NDUFS4: variants seen among roughly 807,000 people sequenced by gnomAD.
NDUFS4 encodes the protein NADH:ubiquinone oxidoreductase subunit S4.
Under a neutral mutation model 24.3 loss-of-function variants are expected in NDUFS4, and 28 were observed. That is an observed-to-expected ratio of 1.15 (90% CI 0.85 to 1.58). The LOEUF (loss-of-function observed/expected upper bound fraction) is 1.58. Ranked by LOEUF, NDUFS4 falls within the 40% of genes most tolerant of loss-of-function variation. The pLI is 0.00. For synonymous variants in NDUFS4, 93 were observed against 69.7 expected (o/e 1.34, Z -1.67); for missense variants, 223 against 207.9 (o/e 1.07, Z -0.45).
chr5:53,623,913 T>C (rs1285806660), intron 2 of NDUFS4, among the ~76,000 whole-genome samples: 1 of 152,178 alleles, frequency 6.6e-6, no homozygotes, highest in Non-Finnish European at 1.5e-5. Context: ...GAGATGGGGT[T>C]TCACCATATT....
At chr5:53,577,775 G>A (rs1478603489) in intron 1 of NDUFS4, among the ~76,000 whole-genome samples, 1 of 152,152 alleles carries the variant, frequency 6.6e-6, no homozygotes, top group Non-Finnish European at 1.5e-5. Flanking sequence ...GGAAGAGATA[G>A]TTTCTTCTAT....
intron 1 of NDUFS4, among the ~76,000 whole-genome samples, chr5:53,567,601 G>GA (rs1198291130): frequency 3.9e-5 from 6 of 152,014 alleles, no homozygotes; most frequent in African/African-American, 1.4e-4. Context: ...CAGTGATTAG[G>GA]AAAAACGGTT....
At chr5:53,586,752 T>C (rs1202001379) in intron 1 of NDUFS4, among the ~76,000 whole-genome samples, 2 of 152,090 alleles carry the variant, frequency 1.3e-5, no homozygotes, top group African/African-American at 2.4e-5. Context: ...CTTGATCTCC[T>C]GACCTTGTGA....
intron 2 of NDUFS4, among the ~76,000 whole-genome samples, chr5:53,607,840 C>G (rs973862495): frequency 2.0e-5 from 3 of 152,134 alleles, no homozygotes; most frequent in Non-Finnish European, 4.4e-5. Context: ...CAGCTGTCCT[C>G]CATTAAGCTA....
chr5:53,591,454 T>G (rs1192447656), intron 1 of NDUFS4, among the ~76,000 whole-genome samples: 1 of 44,788 alleles, frequency 2.2e-5, no homozygotes, highest in African/African-American at 6.1e-5. Flanking sequence ...TTTTTGTTTG[T>G]TTTTTTTGGG....
chr5:53,643,489 A>G (rs184838115), intron 2 of NDUFS4, among the ~76,000 whole-genome samples: 165 of 152,292 alleles, frequency 1.1e-3, no homozygotes, highest in African/African-American at 3.8e-3. Flanking sequence ...CGTTGAAGAC[A>G]CAAGTAGAGT....
chr5:53,610,549 CA>C lies in NDUFS4; in HGVS notation c.177+7028del, dbSNP rs369813902. On this transcript the variant is annotated intron_variant, in intron 2 of 4. Transcript: ENST00000296684. ...TTGAAAAAACAAAAACATAAAAAAA[CA>C]AAAAAAAAGAAGCACCATTAATCTG... is the stretch of plus-strand genomic sequence containing the variant. 2.8e-3 allele frequency among the ~76,000 whole-genome samples: 416 copies of C among 149,362 alleles called. 4 individuals carry two copies. The highest frequency in any genetic ancestry group is 4.6e-3 in the Non-Finnish European group (309 of 67,196).
At position 53,599,311 on chromosome 5, in the gene NDUFS4, G is replaced by T. The variant is rs533371131; in HGVS notation, c.99-4141G>T. On this transcript the variant is annotated intron_variant, in intron 1 of 4. Coordinates refer to ENST00000296684, the MANE Select transcript of NDUFS4 (RefSeq NM_002495.4). ...CAGTAATGGAATTGTTGGATCATAG[G>T]ATAATTCTGTTTACTTTTTGAGAAA... Among the ~76,000 whole-genome samples, 7 of 152,162 alleles carry T rather than the reference G, an allele frequency of 4.6e-5. No individual in the cohort carries two copies. The East Asian group carries it at 1.4e-3, about 29-fold the overall frequency.
chr5:53,609,342 C>T (rs1750627376), intron 2 of NDUFS4, among the ~76,000 whole-genome samples: 1 of 152,180 alleles, frequency 6.6e-6, no homozygotes, highest in Non-Finnish European at 1.5e-5. Flanking sequence ...TGTACATCTC[C>T]ATCTTGGGTG....
At chr5:53,658,755 G>T in intron 4 of NDUFS4, 131 bp downstream of exon 4, 16 of 334,984 alleles carry the variant, frequency 4.8e-5, no homozygotes, top group East Asian at 2.3e-4. Flanking sequence ...AGTGGTTTCA[G>T]ACTTTAACTA....
intron 1 of NDUFS4, among the ~76,000 whole-genome samples, chr5:53,601,805 G>A (rs531337090): frequency 2.0e-5 from 3 of 152,268 alleles, no homozygotes; most frequent in East Asian, 1.9e-4. Context: ...GGATACCTGC[G>A]TTAGTCAGAA....
chr5:53,590,809 A>G (rs1023326383), intron 1 of NDUFS4, among the ~76,000 whole-genome samples: 3 of 152,162 alleles, frequency 2.0e-5, no homozygotes, highest in African/African-American at 7.2e-5. Context: ...CATTTTAACT[A>G]TTTTTAAGTA....
chr5:53,609,341 C>A (rs1279750734), intron 2 of NDUFS4, among the ~76,000 whole-genome samples: 1 of 152,170 alleles, frequency 6.6e-6, no homozygotes, highest in Non-Finnish European at 1.5e-5. Context: ...TTGTACATCT[C>A]CATCTTGGGT....
chr5:53,653,995 A>G (rs1579922241), intron 3 of NDUFS4, among the ~76,000 whole-genome samples: 1 of 152,154 alleles, frequency 6.6e-6, no homozygotes, highest in Admixed American at 6.6e-5. Context: ...TAATCTAACA[A>G]TAGTGGCAGT....
At chr5:53,619,110 T>C (rs1750945603) in intron 2 of NDUFS4, among the ~76,000 whole-genome samples, 1 of 148,952 alleles carries the variant, frequency 6.7e-6, no homozygotes, top group Non-Finnish European at 1.5e-5. Flanking sequence ...TGAGACTGTC[T>C]CCAAAATAAT....
chr5:53,682,192 T>A (rs1174996085), intron 4 of NDUFS4, among the ~76,000 whole-genome samples: 3 of 152,106 alleles, frequency 2.0e-5, no homozygotes, highest in Non-Finnish European at 4.4e-5. Context: ...CTTAATTATA[T>A]TTTTAAGGAG....
intron 1 of NDUFS4, among the ~76,000 whole-genome samples, chr5:53,562,817 C>G (rs4147734): frequency 0.2 from 30,954 of 152,030 alleles, 3,669 homozygotes; most frequent in East Asian, 0.46. Flanking sequence ...AAATCTACAT[C>G]TAAAATTCAT....
chr5:53,598,695 A>T (rs1750211468), intron 1 of NDUFS4, among the ~76,000 whole-genome samples: 1 of 152,182 alleles, frequency 6.6e-6, no homozygotes, highest in African/African-American at 2.4e-5. Context: ...AAAAGACAAA[A>T]ATCTCACCAA....
chr5:53,607,210 G>A (rs377760390), intron 2 of NDUFS4, among the ~76,000 whole-genome samples: 14 of 152,126 alleles, frequency 9.2e-5, no homozygotes, highest in Non-Finnish European at 1.5e-4. Context: ...AGGAGGTGTT[G>A]CCCATGATAC....
Sources: gnomAD v4.1 joint callset for allele counts (sites outside exome capture counted in the v4.1 genomes callset) on GRCh38, gnomAD v4.1.1 for gene constraint, MANE v1.5 for transcripts, NCBI Gene and HGNC (gene_info 2026-07-23, HGNC 2026-07-21) for gene names.